Variants in DNMBP observed in about 807,000 individuals in gnomAD.
DNMBP encodes the protein dynamin-binding protein.
DNMBP carries 87 observed loss-of-function variants against 150.0 expected under a neutral mutation model. The ratio of observed to expected loss-of-function variants is 0.58; its 90% CI spans 0.49 to 0.69. DNMBP has a LOEUF of 0.69. Among genes scored for constraint, DNMBP ranks in the 30% least tolerant of loss-of-function variants. The probability of loss-of-function intolerance (pLI) is 0.00; values close to 1 mark genes in which losing one functional copy is unlikely to be tolerated. For missense variants in DNMBP, 1,774 were observed against 1,949.0 expected (o/e 0.91, Z 1.69); for synonymous variants, 711 against 750.4 (o/e 0.95, Z 0.86).
In DNMBP at chr10:99,915,108, A is replaced by AAAAAAATATATAT. The variant is rs10654940; in HGVS notation, c.2261-5963_2261-5962insATATATATTTTTT. 9.1e-3 allele frequency among the ~76,000 whole-genome samples: 910 copies of AAAAAAATATATAT among 99,482 alleles called. 7 individuals are homozygous for AAAAAAATATATAT. The highest frequency in any genetic ancestry group is 0.017 in the Middle Eastern group (2 of 120). The allele number at this position is 99,482 out of a possible 152,430, so 65.3% of individuals were successfully genotyped here. ...AAACTCTGTCTCAAAAAAAAAAAAA[A>AAAAAAATATATAT]ATATATATATATATATATATACACA... On this transcript the variant is annotated intron_variant, in intron 4 of 16. Transcript: ENST00000324109.
intron 1 of DNMBP, among the ~76,000 whole-genome samples, chr10:99,976,870 G>A (rs781483589): frequency 3.3e-5 from 5 of 151,074 alleles, no homozygotes; most frequent in Non-Finnish European, 7.4e-5. Flanking sequence ...CTTAACCTTC[G>A]GCCAAATTAG....
intron 12 of DNMBP, 42 bp from the exon 13 acceptor site, chr10:99,886,674 C>T (rs753471816): frequency 7.0e-6 from 11 of 1,560,660 alleles, no homozygotes; most frequent in Non-Finnish European, 8.7e-6. Flanking sequence ...TGGACAGCAT[C>T]CCACATTTGT....
intron 4 of DNMBP, chr10:99,930,559 A>G (rs1033494939): frequency 1.4e-6 from 1 of 702,878 alleles, no homozygotes. Flanking sequence ...TCAAAATCCC[A>G]GTATCCACAA....
Position 99,880,347 on chromosome 10 carries a change from C to T in DNMBP, c.4012G>A (p.Val1338Met), listed in dbSNP as rs201709353. ...LIDNGVTKGF[V>M]YSSFLKPYNP... The stretch of plus-strand genomic sequence containing the variant: ...TAGGGCTTTAGGAAAGAGCTGTACA[C>T]GAAGCCTTTGGTGACTACAAAGGAA... The change falls in exon 16 of 17, where the codon GTG (valine) becomes ATG (methionine). Residue 1338 changes from valine to methionine, a missense_variant. By Grantham distance (21) the Val-to-Met change is conservative (BLOSUM62 1). This residue lies in a region of DNMBP where 1,430 missense variants were observed against 1,492.5 expected (regional missense o/e 0.96). Coordinates refer to ENST00000324109, the MANE Select transcript of DNMBP (RefSeq NM_015221.4). 49 of 1,592,964 alleles carry T rather than the reference C, an allele frequency of 3.1e-5. No homozygotes were observed. The highest frequency in any genetic ancestry group is 2.2e-4 in the Admixed American group (13 of 59,032).
chr10:99,988,663 T>A (rs1448308306), intron 1 of DNMBP, among the ~76,000 whole-genome samples: 1 of 152,016 alleles, frequency 6.6e-6, no homozygotes, highest in Non-Finnish European at 1.5e-5. Context: ...TATTTTTATT[T>A]ATTTATTTAT....
chr10:99,908,976 T>G lies in DNMBP; in HGVS notation c.2431A>C (p.Met811Leu). ...ACCTGTGCCTGCTGCATGGGTACCA[T>G]GATCCGCTCAATACACATTTCCAGA... ...RDLEMCIERI[M>L]VPMQQAQVPN... Residue 811 changes from methionine (M) to leucine (L), a missense_variant, in exon 5 of 17, where the codon ATG becomes CTG. Physicochemically the swap from Met to Leu is conservative, Grantham distance 15. This residue lies in a region of DNMBP where 1,430 missense variants were observed against 1,492.5 expected (regional missense o/e 0.96). Transcript: ENST00000324109. 6.2e-7 allele frequency: 1 copy of G among 1,613,962 alleles called. No individual in the cohort carries two copies. The highest frequency in any genetic ancestry group is 8.5e-7 in the Non-Finnish European group (1 of 1,179,930).
rs1463760706 is a variant in DNMBP, at chr10:99,955,418, C to T, written c.2056G>A (p.Asp686Asn). The change falls in exon 4 of 17, where the codon GAC becomes AAC. Residue 686 changes from aspartate (D) to asparagine (N), a missense_variant. Asp to Asn is a conservative substitution (Grantham distance 23, BLOSUM62 1). Transcript: ENST00000324109. The part of the protein sequence containing the change: ...EGPGHMGRSL[D>N]QTSPCPLVLV... ...ACTAAGGGGCATGGGGAGGTCTGGT[C>T]CAGACTCCTTCCCATATGACCAGGG... 7 of 1,613,886 alleles carry T rather than the reference C, an allele frequency of 4.3e-6. No homozygotes were observed. In the Admixed American group the frequency reaches 1.2e-4, roughly 27 times the overall value.
At chr10:99,894,157 T>A (rs2133218136) in intron 11 of DNMBP, among the ~76,000 whole-genome samples, 1 of 152,176 alleles carries the variant, frequency 6.6e-6, no homozygotes, top group Admixed American at 6.5e-5. Context: ...TGTGCACCTG[T>A]GGTCCCAGCC....
intron 3 of DNMBP, among the ~76,000 whole-genome samples, chr10:99,962,296 TA>T (rs1438541252): frequency 6.6e-6 from 1 of 152,224 alleles, no homozygotes; most frequent in Non-Finnish European, 1.5e-5. Context: ...TACATTCCTT[TA>T]ACTTATGATT....
chr10:99,952,570 C>T (rs926867907), intron 4 of DNMBP, among the ~76,000 whole-genome samples: 1 of 152,168 alleles, frequency 6.6e-6, no homozygotes, highest in Non-Finnish European at 1.5e-5. Flanking sequence ...GGCCTGGCTC[C>T]CTAGCTATCC....
chr10:99,929,301 A>G (rs1226099115), intron 4 of DNMBP, among the ~76,000 whole-genome samples: 2 of 152,194 alleles, frequency 1.3e-5, no homozygotes. Context: ...ATGAACAAAA[A>G]CATGAAAGTA....
chr10:99,902,381 C>T lies in DNMBP; in HGVS notation c.2555-2315G>A, dbSNP rs531457925. Among the ~76,000 whole-genome samples, 134 of 130,762 alleles carry T rather than the reference C, an allele frequency of 1.0e-3. 1 individual carries two copies. The highest frequency in any genetic ancestry group is 3.6e-3 in the African/African-American group (129 of 35,528). The allele number at this position is 130,762 out of a possible 152,430, so 85.8% of individuals were successfully genotyped here. On this transcript the variant is annotated intron_variant, in intron 6 of 16. Transcript: ENST00000324109. The stretch of plus-strand genomic sequence containing the variant: ...CTGGAGTGCAGTGGCATGATCTCAA[C>T]TCACTGCAACCTCTGCCTCCTGAGT...
chr10:99,922,847 C>G (rs113537926), intron 4 of DNMBP, among the ~76,000 whole-genome samples: 1 of 152,170 alleles, frequency 6.6e-6, no homozygotes, highest in Non-Finnish European at 1.5e-5. Context: ...GCCCTGCATT[C>G]ATTTCCTCTT....
chr10:99,885,345 C>T (rs972573944), intron 14 of DNMBP, among the ~76,000 whole-genome samples: 1 of 152,106 alleles, frequency 6.6e-6, no homozygotes, highest in Non-Finnish European at 1.5e-5. Context: ...CCCATCTCTA[C>T]TAAAAAATAG....
intron 2 of DNMBP, among the ~76,000 whole-genome samples, chr10:99,971,560 C>T (rs536414378): frequency 2.6e-5 from 4 of 151,888 alleles, no homozygotes; most frequent in Non-Finnish European, 4.4e-5. Context: ...TCACTCTTGT[C>T]GCCCAGGCTG....
At chr10:99,946,376 C>A (rs1445573579) in intron 4 of DNMBP, among the ~76,000 whole-genome samples, 1 of 152,168 alleles carries the variant, frequency 6.6e-6, no homozygotes, top group Non-Finnish European at 1.5e-5. Flanking sequence ...TCAGATAGAG[C>A]AACTAATGCT....
chr10:99,940,464 C>T (rs1299089550), intron 4 of DNMBP, among the ~76,000 whole-genome samples: 1 of 152,174 alleles, frequency 6.6e-6, no homozygotes, highest in African/African-American at 2.4e-5. Flanking sequence ...GCCAATCTCT[C>T]CGTTGGCTTG....
intron 4 of DNMBP, chr10:99,930,761 C>T (rs1194734052): frequency 1.5e-6 from 1 of 661,114 alleles, no homozygotes; most frequent in Non-Finnish European, 2.7e-6. Context: ...GGGTTTCACA[C>T]ATATTCTATG....
intron 3 of DNMBP, chr10:99,957,591 T>C (rs953914469): frequency 4.8e-6 from 1 of 207,824 alleles, no homozygotes; most frequent in African/African-American, 2.3e-5. Flanking sequence ...ATCCGAGCAC[T>C]TTGGGAGGCC....
Sources: allele counts gnomAD v4.1 joint callset (sites outside exome capture counted in the v4.1 genomes callset), GRCh38; gene constraint gnomAD v4.1.1; regional missense constraint gnomAD v4.1.1; transcripts MANE v1.5; gene names NCBI Gene and HGNC (gene_info 2026-07-23, HGNC 2026-07-21).